Variants in MIS18A observed in about 807,000 individuals in gnomAD.
MIS18A encodes the protein protein Mis18-alpha.
In MIS18A, 14 loss-of-function variants were observed where a neutral mutation model predicts 25.0. The ratio of observed to expected loss-of-function variants is 0.56; its 90% CI spans 0.37 to 0.88. The LOEUF (loss-of-function observed/expected upper bound fraction) is 0.88, where lower values mean the gene tolerates loss of function less well. Ranked by LOEUF, MIS18A falls within the 40% of genes least tolerant of loss-of-function variation. The pLI, the probability that MIS18A is intolerant of heterozygous loss-of-function variation, is 0.00. For missense variants in MIS18A, 292 were observed against 290.8 expected (o/e 1.00, Z -0.03); for synonymous variants, 134 against 118.6 (o/e 1.13, Z -0.84).
Position 32,278,688 on chromosome 21 carries a change from C to T in MIS18A, c.327G>A (p.Leu109=), listed in dbSNP as rs778955503. 52 of 1,555,264 alleles carry T rather than the reference C, an allele frequency of 3.3e-5. No homozygotes were observed. Among genetic ancestry groups the T allele is most frequent in the Non-Finnish European group, 4.3e-5 (50 of 1,155,690 alleles). Residue 109 remains leucine (L), a synonymous_variant, in exon 1 of 5, where the codon CTG becomes CTA. Coordinates refer to ENST00000290130, the MANE Select transcript of MIS18A (RefSeq NM_018944.3). ...VASQEDTNCI[L]LRCVSCNVSV... Reference sequence around the variant, plus strand: ...CGGCTCGACCCAACTGACAGCGAAGCAGGATGCAGTTGGTGTCCTCCTGGC... The same window carrying T: ...CGGCTCGACCCAACTGACAGCGAAGTAGGATGCAGTTGGTGTCCTCCTGGC...
At chr21:32,214,166 C>T in the MIS18A span, among the ~76,000 whole-genome samples, 8 of 152,160 alleles carry the variant, frequency 5.3e-5, no homozygotes, top group Non-Finnish European at 1.2e-4. Context: ...CCCTTGACCC[C>T]ACACCCCACC....
rs1262771102 is a variant in MIS18A at position 32,268,814 on chromosome 21, G to T, written c.*223C>A. On this transcript the variant is annotated 3_prime_UTR_variant, in exon 5 of 5. Coordinates refer to ENST00000290130, the MANE Select transcript of MIS18A (RefSeq NM_018944.3). ...TTTTGGGTTTTTTTTTTGAGAGAAGGTCTCACTCTGTTGCCCAGACTAGAA... is the reference window on the plus strand; with the variant it reads ...TTTTGGGTTTTTTTTTTGAGAGAAGTTCTCACTCTGTTGCCCAGACTAGAA... The T allele has an allele frequency of 1.1e-5, 4 of 368,378 alleles. No individual in the cohort carries two copies. The highest frequency in any genetic ancestry group is 6.3e-5 in the African/African-American group (3 of 47,474). 22.8% of individuals were successfully genotyped at this position (368,378 alleles called of 1,614,324 possible). A position where few individuals can be genotyped will look rare whatever the true frequency, so the allele number is the denominator to read the frequency against.
the MIS18A span, among the ~76,000 whole-genome samples, chr21:32,216,458 G>A: frequency 6.6e-6 from 1 of 152,192 alleles, no homozygotes; most frequent in African/African-American, 2.4e-5. Flanking sequence ...AGTGCAAAAA[G>A]CCTTTTCTTC....
At chr21:32,246,934 G>GA in the MIS18A span, among the ~76,000 whole-genome samples, 1 of 152,122 alleles carries the variant, frequency 6.6e-6, no homozygotes, top group Non-Finnish European at 1.5e-5. Flanking sequence ...ATTGTCAGAA[G>GA]AAAAAGAGAC....
At chr21:32,164,631 TTA>T in the MIS18A span, among the ~76,000 whole-genome samples, 2 of 150,632 alleles carry the variant, frequency 1.3e-5, no homozygotes, top group African/African-American at 2.4e-5. Context: ...AAAATTCAAA[TTA>T]TATATATATA....
chr21:32,181,143 C>T, the MIS18A span, among the ~76,000 whole-genome samples: 1 of 152,140 alleles, frequency 6.6e-6, no homozygotes, highest in Non-Finnish European at 1.5e-5. Flanking sequence ...AACAAAAAAG[C>T]AGAGAAAGGT....
the MIS18A span, among the ~76,000 whole-genome samples, chr21:32,217,982 A>G: frequency 6.6e-6 from 1 of 151,920 alleles, no homozygotes; most frequent in Non-Finnish European, 1.5e-5. Context: ...TCACAAGGTC[A>G]GGAGATCGAT....
At chr21:32,239,866 A>T in the MIS18A span, among the ~76,000 whole-genome samples, 1 of 152,246 alleles carries the variant, frequency 6.6e-6, no homozygotes, top group Non-Finnish European at 1.5e-5. Context: ...CATTTTCCTA[A>T]GGAGAAAATC....
At chr21:32,228,879 C>T in the MIS18A span, among the ~76,000 whole-genome samples, 3 of 152,052 alleles carry the variant, frequency 2.0e-5, no homozygotes, top group Admixed American at 2.0e-4. Flanking sequence ...GATGAAAAGA[C>T]ACAATGTGTT....
At chr21:32,221,052 A>T in the MIS18A span, among the ~76,000 whole-genome samples, 1 of 152,200 alleles carries the variant, frequency 6.6e-6, no homozygotes, top group Non-Finnish European at 1.5e-5. Context: ...GTTGGAAAAC[A>T]TACTTCAGGA....
the MIS18A span, among the ~76,000 whole-genome samples, chr21:32,231,829 C>T: frequency 2.0e-5 from 3 of 152,078 alleles, no homozygotes; most frequent in South Asian, 2.1e-4. Flanking sequence ...GGGAGAATGG[C>T]GTGAACTCAG....
the MIS18A span, among the ~76,000 whole-genome samples, chr21:32,259,093 C>A: frequency 1.3e-5 from 2 of 152,064 alleles, no homozygotes; most frequent in South Asian, 4.1e-4. Flanking sequence ...AGGCCAGTCT[C>A]GAACTCCTAG....
chr21:32,241,874 T>A, the MIS18A span, among the ~76,000 whole-genome samples: 1 of 141,878 alleles, frequency 7.0e-6, no homozygotes, highest in African/African-American at 2.7e-5. Flanking sequence ...GGATTTTGGG[T>A]TTTTTGTTGT....
intron 2 of MIS18A, 78 bp from the exon 3 acceptor site, chr21:32,270,607 A>G: frequency 7.0e-7 from 1 of 1,421,604 alleles, no homozygotes; most frequent in Non-Finnish European, 9.2e-7. Flanking sequence ...TAAAATCCAT[A>G]AACACCTCAG....
At chr21:32,249,101 C>G in the MIS18A span, among the ~76,000 whole-genome samples, 6 of 152,338 alleles carry the variant, frequency 3.9e-5, no homozygotes, top group African/African-American at 1.4e-4. Flanking sequence ...GATCGAGACT[C>G]TGAGGCTCCC....
rs1405426558 is a variant in MIS18A at position 32,268,834 on chromosome 21, C to T, written c.*203G>A. ...AGAAGGTCTCACTCTGTTGCCCAGA[C>T]TAGAACACAGTAGTGGCATGACCAA... On this transcript the variant is annotated 3_prime_UTR_variant, in exon 5 of 5. Coordinates refer to ENST00000290130, the MANE Select transcript of MIS18A (RefSeq NM_018944.3). 3 of 408,970 alleles carry T rather than the reference C, an allele frequency of 7.3e-6. No homozygotes were observed. Among genetic ancestry groups the T allele is most frequent in the African/African-American group, 2.1e-5 (1 of 48,708 alleles). 25.3% of individuals were successfully genotyped at this position (408,970 alleles called of 1,614,324 possible).
At chr21:32,202,584 G>A in the MIS18A span, among the ~76,000 whole-genome samples, 1 of 152,082 alleles carries the variant, frequency 6.6e-6, no homozygotes. Flanking sequence ...TCTCCAGAAC[G>A]CTTTTCATCT....
the MIS18A span, among the ~76,000 whole-genome samples, chr21:32,247,419 T>C: frequency 3.3e-5 from 5 of 152,208 alleles, no homozygotes; most frequent in Non-Finnish European, 7.3e-5. Context: ...GAGCCTGCCA[T>C]GTTCCTGTTG....
At chr21:32,184,045 C>G in the MIS18A span, among the ~76,000 whole-genome samples, 2 of 152,120 alleles carry the variant, frequency 1.3e-5, no homozygotes, top group Non-Finnish European at 1.5e-5. Flanking sequence ...TCTAAACCCC[C>G]ACTCTGTCTA....
Sources: allele counts gnomAD v4.1 joint callset (sites outside exome capture counted in the v4.1 genomes callset), GRCh38; gene constraint gnomAD v4.1.1; transcripts MANE v1.5; gene names NCBI Gene and HGNC (gene_info 2026-07-23, HGNC 2026-07-21).